The following PRKN variants were observed in gnomAD, a reference collection of about 807,000 sequenced individuals.
PRKN encodes the protein E3 ubiquitin-protein ligase parkin.
PRKN carries 56 observed loss-of-function variants against 59.5 expected under a neutral mutation model. That is an observed-to-expected ratio of 0.94 (90% confidence interval 0.76 to 1.18). The LOEUF is 1.18. Among genes scored for constraint, PRKN ranks in the 50% most tolerant of loss-of-function variants. The pLI is 0.00. For synonymous variants in PRKN, 250 were observed against 222.1 expected (o/e 1.13, Z -1.12); for missense variants, 657 against 596.4 (o/e 1.10, Z -1.06).
intron 2 of PRKN, among the ~76,000 whole-genome samples, chr6:162,322,936 T>C (rs1012927625): frequency 2.0e-5 from 3 of 151,570 alleles, no homozygotes; most frequent in South Asian, 2.1e-4. Context: ...ATGGATGAAA[T>C]TGGAAATCAT....
chr6:162,034,431 T>C (rs1783763324), intron 5 of PRKN, among the ~76,000 whole-genome samples: 1 of 152,114 alleles, frequency 6.6e-6, no homozygotes, highest in Admixed American at 6.6e-5. Flanking sequence ...TACTGTGCTG[T>C]CTTCATAAAT....
chr6:161,643,940 AT>A (rs1166594016), intron 7 of PRKN, among the ~76,000 whole-genome samples: 1 of 149,300 alleles, frequency 6.7e-6, no homozygotes, highest in Non-Finnish European at 1.5e-5. Context: ...TGACATGTGA[AT>A]TTTTTTTAGC....
intron 6 of PRKN, among the ~76,000 whole-genome samples, chr6:161,873,522 C>T (rs1326195495): frequency 2.0e-5 from 3 of 150,350 alleles, no homozygotes; most frequent in African/African-American, 7.5e-5. Flanking sequence ...TCGCCGGTAG[C>T]ATCCACCGCG....
rs566909214 is a variant in PRKN, at chr6:162,386,472, T to C, written c.171+56838A>G. Among the ~76,000 whole-genome samples, 28 of 152,336 alleles carry C rather than the reference T, an allele frequency of 1.8e-4. 1 individual carries two copies. The South Asian group carries it at 2.3e-3, about 12-fold the overall frequency. ...CTGCTCCTGCCACAAAACAGAAACA[T>C]GAGAAAGTCCACTCGTACTTGTCAG... is the stretch of plus-strand genomic sequence containing the variant. On this transcript the variant is annotated intron_variant, in intron 2 of 11. Transcript: ENST00000366898.
intron 9 of PRKN, among the ~76,000 whole-genome samples, chr6:161,481,405 C>T (rs1791391244): frequency 6.6e-6 from 1 of 152,060 alleles, no homozygotes; most frequent in Non-Finnish European, 1.5e-5. Context: ...GAGATTGAGA[C>T]CATCCTGGCC....
intron 4 of PRKN, among the ~76,000 whole-genome samples, chr6:162,199,216 TA>T (rs34978700): frequency 0.28 from 40,379 of 145,566 alleles, 6,224 homozygotes; most frequent in Non-Finnish European, 0.36. Context: ...ATCTGTGTGT[TA>T]AAAAAAAAAA....
chr6:161,559,982 G>C (rs1449189597), intron 8 of PRKN, among the ~76,000 whole-genome samples: 1 of 152,138 alleles, frequency 6.6e-6, no homozygotes, highest in Non-Finnish European at 1.5e-5. Flanking sequence ...CAACAGCCAG[G>C]TGCTCTGGAT....
At chr6:162,348,960 AAGAC>A (rs1784514909) in intron 2 of PRKN, among the ~76,000 whole-genome samples, 1 of 152,202 alleles carries the variant, frequency 6.6e-6, no homozygotes, top group South Asian at 2.1e-4. Context: ...TAAAAATATA[AAGAC>A]AGATTATGGA....
chr6:161,630,041 G>A (rs763541604), intron 7 of PRKN, among the ~76,000 whole-genome samples: 14 of 152,112 alleles, frequency 9.2e-5, no homozygotes, highest in African/African-American at 1.7e-4. Flanking sequence ...CTCACATAGC[G>A]TTCATTGTGC....
chr6:162,460,033 T>C (rs540778958), intron 1 of PRKN, among the ~76,000 whole-genome samples: 89 of 152,262 alleles, frequency 5.8e-4, no homozygotes, highest in African/African-American at 2.1e-3. Flanking sequence ...TTGATAGAAA[T>C]GAAAAATATG....
At chr6:162,116,161 C>T (rs9458464) in intron 4 of PRKN, among the ~76,000 whole-genome samples, 22,405 of 152,156 alleles carry the variant, frequency 0.15, 2,008 homozygotes, top group African/African-American at 0.25. Flanking sequence ...GAATAATCAC[C>T]AAATATTTCA....
chr6:161,433,283 C>T (rs1788734466), intron 9 of PRKN, among the ~76,000 whole-genome samples: 2 of 152,048 alleles, frequency 1.3e-5, no homozygotes, highest in South Asian at 2.1e-4. Flanking sequence ...AGTATGCGTC[C>T]GCGGCATCTC....
intron 6 of PRKN, among the ~76,000 whole-genome samples, chr6:161,816,876 G>A (rs190652935): frequency 2.0e-5 from 3 of 152,240 alleles, no homozygotes; most frequent in Admixed American, 6.5e-5. Flanking sequence ...CTCACAAAGA[G>A]AACAGGGTTC....
rs577649049 is a variant in PRKN at position 162,011,218 on chromosome 6, ATATATT to A, written c.619-37807_619-37802del. On this transcript the variant is annotated intron_variant, in intron 5 of 11. Coordinates refer to ENST00000366898, the MANE Select transcript of PRKN (RefSeq NM_004562.3). ...TATACTATATTATATATAATATAGTATATATTTATAATATATAATTTATAATATATA... is the reference window on the plus strand; with the variant it reads ...TATACTATATTATATATAATATAGTATATAATATATAATTTATAATATATA... Among the ~76,000 whole-genome samples, 652 of 85,682 alleles carry A rather than the reference ATATATT, an allele frequency of 7.6e-3. 124 individuals carry two copies. The highest frequency in any genetic ancestry group is 0.012 in the Non-Finnish European group (529 of 44,038). The allele number at this position is 85,682 out of a possible 152,430, so 56.2% of individuals were successfully genotyped here. A position where few individuals can be genotyped will look rare whatever the true frequency, so the allele number is the denominator to read the frequency against.
Position 161,444,269 on chromosome 6 carries a change from T to C in PRKN, c.1084-57392A>G, listed in dbSNP as rs1051478785. Among the ~76,000 whole-genome samples, 2 of 152,230 alleles carry C rather than the reference T, an allele frequency of 1.3e-5. No individual in the cohort carries two copies. Among genetic ancestry groups the C allele is most frequent in the Admixed American group, 6.5e-5 (1 of 15,292 alleles). On this transcript the variant is annotated intron_variant, in intron 9 of 11. Transcript: ENST00000366898. This position sits in a 1 kb window ranked among gnomAD's most constrained non-coding sequence, Gnocchi z 5.6. ...TGCCTGGAAGAGGCTCCCAATCATC[T>C]GTCAACTTGTCTTTCCTATTTAGCA...
chr6:161,863,367 C>T (rs1029505559), intron 6 of PRKN, among the ~76,000 whole-genome samples: 2 of 150,850 alleles, frequency 1.3e-5, no homozygotes, highest in African/African-American at 2.4e-5. Context: ...GTTGTGTATA[C>T]GTTTTTAAAT....
chr6:162,489,960 G>C (rs1337478686), intron 1 of PRKN, among the ~76,000 whole-genome samples: 2 of 152,100 alleles, frequency 1.3e-5, no homozygotes, highest in Non-Finnish European at 2.9e-5. Flanking sequence ...TCTTTTTAAA[G>C]CAAGAAAATG....
chr6:161,701,115 T>C (rs1786234622), intron 7 of PRKN, among the ~76,000 whole-genome samples: 1 of 152,192 alleles, frequency 6.6e-6, no homozygotes, highest in African/African-American at 2.4e-5. Flanking sequence ...AGAAAGGTGA[T>C]AGGAACTGAA....
chr6:162,307,469 T>C (rs755211974), intron 2 of PRKN, among the ~76,000 whole-genome samples: 2 of 150,132 alleles, frequency 1.3e-5, no homozygotes, highest in African/African-American at 2.5e-5. Flanking sequence ...TTATGTATTA[T>C]GTACATAATA....
Sources: allele counts gnomAD v4.1 joint callset (sites outside exome capture counted in the v4.1 genomes callset), GRCh38; gene constraint gnomAD v4.1.1; non-coding constraint Gnocchi (gnomAD v3.1); transcripts MANE v1.5; gene names NCBI Gene and HGNC (gene_info 2026-07-23, HGNC 2026-07-21).